Variants in DYM observed in about 807,000 individuals in gnomAD.
DYM encodes the protein dymeclin, also known as dyggve-Melchior-Clausen syndrome protein.
Under a neutral mutation model 93.1 loss-of-function variants are expected in DYM, and 78 were observed. The ratio of observed to expected loss-of-function variants is 0.84; its 90% CI spans 0.70 to 1.01. The LOEUF is 1.01. Ranked by LOEUF, DYM falls within the 50% of genes least tolerant of loss-of-function variation. The pLI is 0.00. For missense variants in DYM, 789 were observed against 845.0 expected, an observed-to-expected ratio of 0.93 and a Z score of 0.82; for synonymous variants, 321 against 319.7, an observed-to-expected ratio of 1.00 and a Z score of -0.04.
intron 2 of DYM, among the ~76,000 whole-genome samples, chr18:49,394,768 G>C (rs562331339): frequency 7.9e-5 from 12 of 151,890 alleles, no homozygotes; most frequent in Non-Finnish European, 1.6e-4. Context: ...TTATTGCTAG[G>C]TTTTTTTAAT....
At chr18:49,064,814 ATTGTAG>A (rs2076257675) in intron 17 of DYM, among the ~76,000 whole-genome samples, 1 of 151,530 alleles carries the variant, frequency 6.6e-6, no homozygotes, top group South Asian at 2.1e-4. Context: ...CATGTTCAAA[ATTGTAG>A]TTTCTCTCTT....
chr18:49,161,736 C>T (rs1221463871), intron 15 of DYM, among the ~76,000 whole-genome samples: 3 of 152,196 alleles, frequency 2.0e-5, no homozygotes, highest in Non-Finnish European at 2.9e-5. Context: ...ATTGTGACAT[C>T]ACATACCCAC....
intron 5 of DYM, among the ~76,000 whole-genome samples, chr18:49,367,141 A>G (rs1427831684): frequency 6.6e-6 from 1 of 152,218 alleles, no homozygotes; most frequent in East Asian, 1.9e-4. Context: ...CATAAAGATG[A>G]CACACTATGT....
intron 13 of DYM, among the ~76,000 whole-genome samples, chr18:49,254,108 C>G (rs564716895): frequency 6.6e-6 from 1 of 152,154 alleles, no homozygotes; most frequent in South Asian, 2.1e-4. Flanking sequence ...TTTCTCTTAT[C>G]TATCATGTCA....
chr18:49,378,521 A>G (rs1568343609), intron 5 of DYM, 46 bp downstream of exon 5: 6 of 1,541,552 alleles, frequency 3.9e-6, no homozygotes, highest in African/African-American at 1.4e-5. Context: ...TTATCCTTAA[A>G]TGTTACACAT....
intron 2 of DYM, among the ~76,000 whole-genome samples, chr18:49,399,623 C>T (rs2070529206): frequency 6.6e-6 from 1 of 152,168 alleles, no homozygotes; most frequent in Non-Finnish European, 1.5e-5. Context: ...GGTAAGAAGT[C>T]CATTCTCCAC....
chr18:49,352,123 A>G (rs1447574286), intron 6 of DYM, among the ~76,000 whole-genome samples: 3 of 152,200 alleles, frequency 2.0e-5, no homozygotes, highest in Admixed American at 6.5e-5. Context: ...AACACAAAAG[A>G]CCATATGTGA....
chr18:49,384,126 T>C (rs79528440), intron 3 of DYM, among the ~76,000 whole-genome samples: 15,854 of 151,266 alleles, frequency 0.1, 1,024 homozygotes, highest in East Asian at 0.31. Context: ...AAGTTCAAGA[T>C]AGCCTAGGCA....
chr18:49,263,276 A>G (rs1351455656), intron 11 of DYM, among the ~76,000 whole-genome samples: 1 of 151,116 alleles, frequency 6.6e-6, no homozygotes, highest in East Asian at 2.0e-4. Flanking sequence ...CCACCAGCAC[A>G]CTCGGCTAAT....
At chr18:49,144,919 G>C (rs548150957) in intron 15 of DYM, among the ~76,000 whole-genome samples, 13 of 150,926 alleles carry the variant, frequency 8.6e-5, no homozygotes, top group African/African-American at 2.9e-4. Context: ...CAACACAGTG[G>C]GACCCTGCTG....
intron 13 of DYM, among the ~76,000 whole-genome samples, chr18:49,215,688 A>T (rs2092999423): frequency 6.6e-6 from 1 of 152,268 alleles, no homozygotes; most frequent in African/African-American, 2.4e-5. Context: ...ACTAAAAAGA[A>T]AAACAAATTC....
intron 11 of DYM, among the ~76,000 whole-genome samples, chr18:49,258,881 GAGAGA>G (rs2094444372): frequency 3.2e-5 from 4 of 126,496 alleles, no homozygotes; most frequent in African/African-American, 9.1e-5. Flanking sequence ...GAGAGAGAGA[GAGAGA>G]TAGGCAGGCA....
At chr18:49,171,324 C>T (rs1295935228) in intron 14 of DYM, among the ~76,000 whole-genome samples, 1 of 152,084 alleles carries the variant, frequency 6.6e-6, no homozygotes, top group Admixed American at 6.6e-5. Flanking sequence ...GAGAGCCCTG[C>T]CAATCCTCAC....
chr18:49,127,517 T>C (rs753594052), intron 15 of DYM, among the ~76,000 whole-genome samples: 4 of 152,210 alleles, frequency 2.6e-5, no homozygotes, highest in Non-Finnish European at 5.9e-5. Context: ...TTTGGGGGGA[T>C]TCCAAGAGAG....
chr18:49,276,424 C>CTCATCTAAGGAAG, intron 10 of DYM, among the ~76,000 whole-genome samples: 1 of 151,896 alleles, frequency 6.6e-6, no homozygotes, highest in African/African-American at 2.4e-5. Flanking sequence ...ATAAATCCCA[C>CTCATCTAAGGAAG]TTGGATATGG....
intron 9 of DYM, among the ~76,000 whole-genome samples, chr18:49,285,465 AG>A (rs1299490770): frequency 2.0e-5 from 3 of 152,218 alleles, no homozygotes; most frequent in African/African-American, 7.2e-5. Context: ...ACATATTCAA[AG>A]TGATTCCATG....
chr18:49,363,105 G>A, intron 6 of DYM, 56 bp downstream of exon 6: 3 of 1,383,724 alleles, frequency 2.2e-6, no homozygotes, highest in Admixed American at 1.7e-5. Flanking sequence ...CATGATCAAT[G>A]ATTATCTGCC....
At chr18:49,132,057 A>G (rs1419943848) in intron 15 of DYM, among the ~76,000 whole-genome samples, 1 of 152,202 alleles carries the variant, frequency 6.6e-6, no homozygotes, top group Non-Finnish European at 1.5e-5. Flanking sequence ...CTTCCGGAGA[A>G]ATGTTAATAT....
chr18:49,391,830 T>C (rs113591064), intron 2 of DYM, among the ~76,000 whole-genome samples, 185 bp from the exon 3 acceptor site: 2 of 152,196 alleles, frequency 1.3e-5, no homozygotes, highest in African/African-American at 4.8e-5. Context: ...TTAGGAAATT[T>C]ACTGTATTTC....
Sources: allele counts gnomAD v4.1 joint callset (sites outside exome capture counted in the v4.1 genomes callset), GRCh38; gene constraint gnomAD v4.1.1; transcripts MANE v1.5; gene names NCBI Gene and HGNC (gene_info 2026-07-23, HGNC 2026-07-21).